Variants in SLC47A2 observed in about 807,000 individuals in gnomAD.
The protein encoded by SLC47A2 is solute carrier family 47 member 2.
SLC47A2 carries 52 observed loss-of-function variants against 67.7 expected under a neutral mutation model. The ratio of observed to expected loss-of-function variants is 0.77; its 90% CI spans 0.61 to 0.97. SLC47A2 has a LOEUF of 0.97. SLC47A2 is among the 50% of genes least tolerant of loss of function. SLC47A2 has a pLI of 0.00. For missense variants in SLC47A2, 676 were observed against 712.3 expected (o/e 0.95, Z 0.58); for synonymous variants, 278 against 292.9 (o/e 0.95, Z 0.52).
intron 13 of SLC47A2, among the ~76,000 whole-genome samples, chr17:19,695,481 T>TAAA (rs78650311): frequency 1.3e-5 from 1 of 74,636 alleles, no homozygotes; most frequent in Non-Finnish European, 2.7e-5. Context: ...AGACCTGTCT[T>TAAA]AAAAAAAAAA....
chr17:19,699,747 G>A (rs8081130), intron 13 of SLC47A2, among the ~76,000 whole-genome samples: 97,990 of 152,012 alleles, frequency 0.64, 32,032 homozygotes, highest in East Asian at 0.98. Flanking sequence ...TAAAAATAAA[G>A]TTATCATTTG....
intron 5 of SLC47A2, among the ~76,000 whole-genome samples, chr17:19,711,405 A>G (rs755819236): frequency 2.6e-4 from 40 of 151,352 alleles, no homozygotes; most frequent in Non-Finnish European, 4.4e-4. Flanking sequence ...CAGCCTGACC[A>G]ATATGGTGAA....
Position 19,704,156 on chromosome 17 carries a change from C to A in SLC47A2, c.932G>T (p.Gly311Val). ...AGCCATCCCCACTCGGACACAGACC[C>A]CGATGCTGAGCCCCAAGGGAATCTG... ...TYMIPLGLSI[G>V]VCVRVGMALG... Residue 311 changes from glycine to valine, a missense_variant, in exon 11 of 17, where the codon GGG (glycine) becomes GTG (valine). Coordinates refer to ENST00000433844, the MANE Select transcript of SLC47A2 (RefSeq NM_001099646.3). 1 of 1,611,228 alleles carries A rather than the reference C, an allele frequency of 6.2e-7. No individual in the cohort carries two copies.
At chr17:19,702,425 A>G (rs2085808683) in intron 13 of SLC47A2, 180 bp downstream of exon 13, 1 of 985,442 alleles carries the variant, frequency 1.0e-6, no homozygotes, top group Non-Finnish European at 1.2e-6. Context: ...AGAAGAGGGA[A>G]GTCACTGTTT....
chr17:19,701,382 C>A (rs2085782935), intron 13 of SLC47A2, among the ~76,000 whole-genome samples: 1 of 152,118 alleles, frequency 6.6e-6, no homozygotes, highest in East Asian at 1.9e-4. Context: ...GAATAGTTAG[C>A]GAACTGGATG....
At chr17:19,680,608 T>G (rs913576137) in intron 15 of SLC47A2, among the ~76,000 whole-genome samples, 6 of 152,200 alleles carry the variant, frequency 3.9e-5, no homozygotes, top group African/African-American at 1.4e-4. Flanking sequence ...ACACTGCTTC[T>G]GTGCTCTGCT....
chr17:19,701,012 A>C (rs1320318275), intron 13 of SLC47A2, among the ~76,000 whole-genome samples: 1 of 151,586 alleles, frequency 6.6e-6, no homozygotes, highest in Non-Finnish European at 1.5e-5. Flanking sequence ...TACTAAAAAT[A>C]CAAAAATTAG....
intron 13 of SLC47A2, among the ~76,000 whole-genome samples, chr17:19,695,766 T>C (rs373025882): frequency 1.0e-3 from 158 of 151,924 alleles, no homozygotes; most frequent in African/African-American, 3.7e-3. Flanking sequence ...TCTTGTCATC[T>C]AGGCTGGTGT....
At position 19,708,417 on chromosome 17, in the gene SLC47A2, T is replaced by C; in HGVS notation, c.532-18A>G. ...GTGATCTTCTGAAATAAATGAAAAC[T>C]GGCCCTGCTAAGGTGTGAGTGAGAT... On this transcript the variant is annotated intron_variant, in intron 6 of 16. Transcript: ENST00000433844. 1 of 1,614,144 alleles carries C rather than the reference T, an allele frequency of 6.2e-7. No individual in the cohort carries two copies.
In SLC47A2 at chr17:19,685,452, G is replaced by GGCC. The variant is rs2085407322; in HGVS notation, c.1165-3785_1165-3783dup. On this transcript the variant is annotated intron_variant, in intron 13 of 16. Transcript: ENST00000433844. The surrounding 1 kb of genome is among the most constrained non-coding windows in gnomAD (Gnocchi z 4.5). ...TGGGATGTGAGGAGCCCCTCTGCCT[G>GGCC]GCCGCCCCGTCTGGGAAGTGAGGAG... Among the ~76,000 whole-genome samples, 1 of 151,096 alleles carries GGCC rather than the reference G, an allele frequency of 6.6e-6. No homozygotes were observed. Among genetic ancestry groups the GGCC allele is most frequent in the African/African-American group, 2.4e-5 (1 of 41,042 alleles).
intron 15 of SLC47A2, among the ~76,000 whole-genome samples, chr17:19,680,708 G>A (rs1050628722): frequency 9.2e-5 from 14 of 152,202 alleles, no homozygotes. Context: ...TGGTGGGCAG[G>A]GTGATTTTAT....
upstream of SLC47A2, chr17:19,718,778 G>C (rs1251195385): frequency 1.3e-5 from 2 of 152,406 alleles, no homozygotes; most frequent in African/African-American, 4.8e-5. Context: ...GGGGGGTGGG[G>C]GGAAGCCACC....
At chr17:19,681,694 C>A in intron 13 of SLC47A2, 24 bp from the exon 14 acceptor site, 2 of 1,597,640 alleles carry the variant, frequency 1.3e-6, no homozygotes, top group Non-Finnish European at 8.5e-7. Flanking sequence ...CAGAAATGGG[C>A]AAGAGTCAGG....
At chr17:19,712,845 C>G (rs1252792571) in intron 4 of SLC47A2, 100 bp from the exon 5 acceptor site, 1 of 1,143,666 alleles carries the variant, frequency 8.7e-7, no homozygotes, top group African/African-American at 1.5e-5. Context: ...CGGCCGCTGT[C>G]CCAGGGTCTC....
chr17:19,708,378 G>A lies in SLC47A2; in HGVS notation c.553C>T (p.Leu185Phe). 1 of 1,614,086 alleles carries A rather than the reference G, an allele frequency of 6.2e-7. No homozygotes were observed. Among genetic ancestry groups the A allele is most frequent in the Admixed American group, 1.7e-5 (1 of 60,020 alleles). ...QNQKITWPQVLSGVVGNCVNG... is the reference protein window; with the variant it reads ...QNQKITWPQVFSGVVGNCVNG... ...ACACAGTTGCCCACCACACCACTGAGGACTTGGGGCCAGGTGATCTTCTGA... is the reference window on the plus strand; with the variant it reads ...ACACAGTTGCCCACCACACCACTGAAGACTTGGGGCCAGGTGATCTTCTGA... The change falls in exon 7 of 17, where the codon CTC (leucine) becomes TTC (phenylalanine). Residue 185 changes from leucine (L) to phenylalanine (F), a missense_variant. By Grantham distance (22) the Leu-to-Phe change is conservative (BLOSUM62 0). Transcript: ENST00000433844.
intron 13 of SLC47A2, among the ~76,000 whole-genome samples, chr17:19,700,894 G>A (rs571522518): frequency 2.1e-4 from 32 of 152,002 alleles, no homozygotes; most frequent in Admixed American, 3.9e-4. Flanking sequence ...GGCCAGGTGC[G>A]GTGGCTCACA....
chr17:19,713,800 C>G (rs138457250), intron 4 of SLC47A2, 25 bp downstream of exon 4: 2 of 1,595,618 alleles, frequency 1.3e-6, no homozygotes, highest in East Asian at 4.5e-5. Context: ...GCAAGCCCCA[C>G]CTCCCCAGCC....
chr17:19,701,570 G>T (rs1004157096), intron 13 of SLC47A2, among the ~76,000 whole-genome samples: 7 of 152,180 alleles, frequency 4.6e-5, no homozygotes, highest in African/African-American at 1.7e-4. Context: ...TGTATGCAAG[G>T]GGTGTGTTCC....
At chr17:19,701,749 T>C (rs972322396) in intron 13 of SLC47A2, among the ~76,000 whole-genome samples, 1 of 152,046 alleles carries the variant, frequency 6.6e-6, no homozygotes, top group Non-Finnish European at 1.5e-5. Flanking sequence ...GGGAGGCTGA[T>C]ATGGGAGGAT....
Sources: allele counts gnomAD v4.1 joint callset (sites outside exome capture counted in the v4.1 genomes callset), GRCh38; gene constraint gnomAD v4.1.1; non-coding constraint Gnocchi (gnomAD v3.1); transcripts MANE v1.5; gene names NCBI Gene and HGNC (gene_info 2026-07-23, HGNC 2026-07-21).